PTPRG: variants seen among roughly 807,000 people sequenced by gnomAD.
PTPRG encodes the protein protein tyrosine phosphatase receptor type G.
In PTPRG, 102 loss-of-function variants were observed where a neutral mutation model predicts 165.3. The observed-to-expected ratio is 0.62, with a 90% CI of 0.53 to 0.73. The LOEUF (loss-of-function observed/expected upper bound fraction) is 0.73, where lower values mean the gene tolerates loss of function less well. Ranked by LOEUF, PTPRG falls within the 30% of genes least tolerant of loss-of-function variation. The pLI is 0.00. For missense variants in PTPRG, 1,866 were observed against 1,861.4 expected, an observed-to-expected ratio of 1.00 and a Z score of -0.05; for synonymous variants, 675 against 669.5, an observed-to-expected ratio of 1.01 and a Z score of -0.13.
chr3:61,581,210 CGTT>C (rs771544389), intron 1 of PTPRG, among the ~76,000 whole-genome samples: 16 of 152,150 alleles, frequency 1.1e-4, no homozygotes, highest in Admixed American at 5.9e-4. Flanking sequence ...CTGGAGGAGG[CGTT>C]GTAAATCTAG....
intron 2 of PTPRG, among the ~76,000 whole-genome samples, chr3:61,806,518 T>C (rs1384543172): frequency 1.3e-5 from 2 of 152,322 alleles, no homozygotes; most frequent in Non-Finnish European, 2.9e-5. Context: ...ATTAAGTCTT[T>C]TTGGTTTCTG....
intron 7 of PTPRG, among the ~76,000 whole-genome samples, chr3:62,166,793 A>T (rs1705003456): frequency 6.6e-6 from 1 of 151,868 alleles, no homozygotes. Context: ...GCCTCAAGTA[A>T]CCCTCTCACC....
chr3:62,025,389 T>G lies in PTPRG; in HGVS notation c.519+21892T>G, dbSNP rs534327383. Among the ~76,000 whole-genome samples the G allele has an allele frequency of 1.2e-4, 19 of 152,350 alleles. No individual in the cohort carries two copies. In the East Asian group the frequency reaches 3.1e-3, roughly 25 times the overall value. ...AGAGAGCTTAGTGTTTGTGTTCCTT[T>G]ATCTCCAATTATTTGTTTGGAATTT... On this transcript the variant is annotated intron_variant, in intron 4 of 29. Transcript: ENST00000474889.
chr3:62,093,979 C>T (rs1702028490), intron 5 of PTPRG, among the ~76,000 whole-genome samples: 1 of 152,204 alleles, frequency 6.6e-6, no homozygotes, highest in African/African-American at 2.4e-5. Flanking sequence ...CCTCCTGCTT[C>T]TCCTATTACC....
At chr3:61,962,625 C>A (rs182064316) in intron 2 of PTPRG, among the ~76,000 whole-genome samples, 1 of 152,240 alleles carries the variant, frequency 6.6e-6, no homozygotes, top group South Asian at 2.1e-4. Context: ...AAAGCGGGAA[C>A]GTATTTATTG....
chr3:61,977,664 T>A (rs2040541022), intron 2 of PTPRG, among the ~76,000 whole-genome samples: 1 of 152,158 alleles, frequency 6.6e-6, no homozygotes, highest in African/African-American at 2.4e-5. Context: ...TTTTAAAAAG[T>A]TTAACTTTTA....
intron 7 of PTPRG, among the ~76,000 whole-genome samples, chr3:62,157,928 A>G (rs1704603400): frequency 1.3e-5 from 2 of 152,250 alleles, no homozygotes; most frequent in South Asian, 4.1e-4. Context: ...GTATTCACAT[A>G]GAACATCATG....
chr3:61,846,127 C>T (rs555141804), intron 2 of PTPRG, among the ~76,000 whole-genome samples: 3 of 152,158 alleles, frequency 2.0e-5, no homozygotes, highest in Non-Finnish European at 4.4e-5. Flanking sequence ...GAAGATCTGC[C>T]TAAAGCACTC....
At chr3:61,622,519 T>C (rs1029420254) in intron 1 of PTPRG, among the ~76,000 whole-genome samples, 5 of 152,192 alleles carry the variant, frequency 3.3e-5, no homozygotes, top group Admixed American at 6.5e-5. Flanking sequence ...TGAAAGATTA[T>C]GTTGTCGGAA....
chr3:61,699,904 G>C (rs925445757), intron 1 of PTPRG, among the ~76,000 whole-genome samples: 3 of 152,182 alleles, frequency 2.0e-5, no homozygotes, highest in Non-Finnish European at 4.4e-5. Flanking sequence ...AATACAAAAG[G>C]AGACTCAACC....
At chr3:61,817,032 GTATATAA>G (rs551480459) in intron 2 of PTPRG, among the ~76,000 whole-genome samples, 15 of 126,696 alleles carry the variant, frequency 1.2e-4, no homozygotes, top group Admixed American at 8.5e-4. Flanking sequence ...ATAATATATA[GTATATAA>G]TATATAATAT....
intron 1 of PTPRG, among the ~76,000 whole-genome samples, chr3:61,592,641 C>CTTTTTTTTTTTTTTTT (rs773860673): frequency 7.1e-6 from 1 of 139,976 alleles, no homozygotes; most frequent in African/African-American, 2.8e-5. Context: ...TTCTTTCTTT[C>CTTTTTTTTTTTTTTTT]TTTCTTTCTT....
chr3:61,820,603 GTTTTTT>G (rs11329820), intron 2 of PTPRG, among the ~76,000 whole-genome samples: 10 of 65,730 alleles, frequency 1.5e-4, no homozygotes, highest in East Asian at 4.6e-4. Flanking sequence ...CTGTGTCTCT[GTTTTTT>G]TTTTTTTTTT....
intron 15 of PTPRG, among the ~76,000 whole-genome samples, chr3:62,251,313 A>T (rs1460634180): frequency 1.3e-5 from 2 of 152,154 alleles, no homozygotes; most frequent in Non-Finnish European, 2.9e-5. Flanking sequence ...TGAGGCTAGG[A>T]GTTCAAGACC....
chr3:61,908,080 C>A (rs569783534), intron 2 of PTPRG, among the ~76,000 whole-genome samples: 56 of 142,948 alleles, frequency 3.9e-4, no homozygotes, highest in Middle Eastern at 7.2e-3. Flanking sequence ...ATGATTGTGC[C>A]ACTGCTCCAG....
chr3:62,158,830 A>G (rs1704635290), intron 7 of PTPRG, among the ~76,000 whole-genome samples: 2 of 152,138 alleles, frequency 1.3e-5, no homozygotes, highest in South Asian at 4.2e-4. Context: ...AGGACTGGCG[A>G]TTTGGTTTCA....
In PTPRG at chr3:62,225,504, A is replaced by T. The variant is rs143286272; in HGVS notation, c.2289-5721A>T. Among the ~76,000 whole-genome samples the T allele has an allele frequency of 4.0e-4, 61 of 151,422 alleles. No homozygotes were observed. The East Asian group carries it at 8.3e-3, about 21-fold the overall frequency. ...GTCTGCTTAGAATTGTATTACAAAG[A>T]TATTTTTAGTTTTGTTTTTTTTTTT... is the stretch of plus-strand genomic sequence containing the variant. On this transcript the variant is annotated intron_variant, in intron 13 of 29. Coordinates refer to ENST00000474889, the MANE Select transcript of PTPRG (RefSeq NM_002841.4).
intron 2 of PTPRG, among the ~76,000 whole-genome samples, chr3:61,771,549 C>T (rs2107025824): frequency 1.3e-5 from 2 of 152,246 alleles, no homozygotes. Context: ...AAATCTTTGG[C>T]ATCCCTTCTA....
chr3:62,008,693 CG>C (rs2041351355), intron 4 of PTPRG, among the ~76,000 whole-genome samples: 1 of 152,164 alleles, frequency 6.6e-6, no homozygotes, highest in South Asian at 2.1e-4. Context: ...TGGGTGGGGT[CG>C]GGGGTTCAGA....
Sources: allele counts gnomAD v4.1 joint callset (sites outside exome capture counted in the v4.1 genomes callset), GRCh38; gene constraint gnomAD v4.1.1; transcripts MANE v1.5; gene names NCBI Gene and HGNC (gene_info 2026-07-23, HGNC 2026-07-21).